The following CNOT1 variants were observed in gnomAD, a reference collection of about 807,000 sequenced individuals.
CNOT1 encodes CCR4-associated factor 1.
Under a neutral mutation model 273.8 loss-of-function variants are expected in CNOT1, and 15 were observed. The ratio of observed to expected loss-of-function variants is 0.05; its 90% CI spans 0.04 to 0.08. The LOEUF (loss-of-function observed/expected upper bound fraction) is 0.08, where lower values mean the gene tolerates loss of function less well. Among genes scored for constraint, CNOT1 ranks in the 10% least tolerant of loss-of-function variants. The pLI is 1.00. For synonymous variants in CNOT1, 1,022 were observed against 1,005.5 expected (o/e 1.02, Z -0.31); for missense variants, 1,644 against 2,912.2 (o/e 0.56, Z 10.02).
intron 8 of CNOT1, 52 bp from the exon 9 acceptor site, chr16:58,583,234 T>A: frequency 6.3e-7 from 1 of 1,594,702 alleles, no homozygotes. Flanking sequence ...AACACCGAGA[T>A]TGAGAAATTC....
At chr16:58,555,933 G>C (rs781273782) in intron 19 of CNOT1, 25 bp from the exon 20 acceptor site, 3 of 1,607,694 alleles carry the variant, frequency 1.9e-6, no homozygotes, top group Non-Finnish European at 2.5e-6. Context: ...AAAGGAATCA[G>C]TGGGCATTTA....
At chr16:58,579,058 T>C (rs765681136) in intron 12 of CNOT1, 119 bp from the exon 13 acceptor site, 48 of 1,466,046 alleles carry the variant, frequency 3.3e-5, no homozygotes, top group Admixed American at 1.6e-4. Flanking sequence ...GTTTTAATAT[T>C]AGAAGTTTGA....
intron 18 of CNOT1, among the ~76,000 whole-genome samples, chr16:58,557,714 C>A (rs780023737): frequency 6.6e-6 from 1 of 152,136 alleles, no homozygotes; most frequent in Non-Finnish European, 1.5e-5. Context: ...TGTGGCCAAG[C>A]GCAGTGGCTC....
intron 1 of CNOT1, among the ~76,000 whole-genome samples, chr16:58,624,247 G>A (rs925724534): frequency 1.3e-5 from 2 of 152,134 alleles, no homozygotes; most frequent in African/African-American, 4.8e-5. Context: ...ATACCCATGT[G>A]GTGTCCACTG....
chr16:58,608,018 C>G (rs2042750043), intron 1 of CNOT1, among the ~76,000 whole-genome samples: 2 of 151,132 alleles, frequency 1.3e-5, no homozygotes, highest in Non-Finnish European at 2.9e-5. Flanking sequence ...CTAAAAAATA[C>G]AGAAAAAATT....
intron 19 of CNOT1, 74 bp from the exon 20 acceptor site, chr16:58,555,982 G>A: frequency 6.3e-7 from 1 of 1,584,254 alleles, no homozygotes; most frequent in South Asian, 1.1e-5. Context: ...CAGCCAGCCA[G>A]AGACTATTAT....
At chr16:58,558,737 G>C in intron 17 of CNOT1, 63 bp from the exon 18 acceptor site, 1 of 1,558,658 alleles carries the variant, frequency 6.4e-7, no homozygotes, top group Non-Finnish European at 8.7e-7. Flanking sequence ...CACATGTAAA[G>C]CAATCTTTAA....
At chr16:58,594,122 T>G (rs1400643317) in intron 2 of CNOT1, among the ~76,000 whole-genome samples, 1 of 152,126 alleles carries the variant, frequency 6.6e-6, no homozygotes, top group African/African-American at 2.4e-5. Flanking sequence ...CGCAGGCCTG[T>G]AATCCCAGCT....
chr16:58,627,403 C>CA (rs754338444), intron 1 of CNOT1, among the ~76,000 whole-genome samples: 7,561 of 64,932 alleles, frequency 0.12, 774 homozygotes, highest in East Asian at 0.22. Context: ...GACTCCATCT[C>CA]AAAAAAAAAA....
chr16:58,606,991 T>G (rs1226842787), intron 1 of CNOT1, among the ~76,000 whole-genome samples: 1 of 152,162 alleles, frequency 6.6e-6, no homozygotes, highest in Non-Finnish European at 1.5e-5. Flanking sequence ...TATTACTAAT[T>G]GTCTATTGAA....
At chr16:58,562,689 G>A (rs1212209999) in intron 16 of CNOT1, among the ~76,000 whole-genome samples, 1 of 151,870 alleles carries the variant, frequency 6.6e-6, no homozygotes, top group African/African-American at 2.4e-5. Context: ...CGGGTGTGTT[G>A]GCAGGTGCCT....
At chr16:58,539,484 C>CACACACACACACAG in intron 35 of CNOT1, among the ~76,000 whole-genome samples, 1 of 151,540 alleles carries the variant, frequency 6.6e-6, no homozygotes, top group East Asian at 1.9e-4. Flanking sequence ...CACACACACA[C>CACACACACACACAG]ACACACACAG....
intron 39 of CNOT1, among the ~76,000 whole-genome samples, chr16:58,535,953 C>T (rs1328715200): frequency 1.3e-5 from 2 of 152,038 alleles, no homozygotes; most frequent in Non-Finnish European, 2.9e-5. Flanking sequence ...CCAGGATGGT[C>T]TCGATATCCT....
chr16:58,628,842 T>A (rs943967408), intron 1 of CNOT1, among the ~76,000 whole-genome samples: 1 of 152,102 alleles, frequency 6.6e-6, no homozygotes, highest in Non-Finnish European at 1.5e-5. Context: ...CCTCGGGGAG[T>A]TAGTATCTGT....
In CNOT1 at chr16:58,559,984, A is replaced by G; in HGVS notation, c.2130+228T>C. The G allele has an allele frequency of 3.2e-6, 4 of 1,243,916 alleles. No homozygotes were observed. In the South Asian group the frequency reaches 4.9e-5, roughly 15 times the overall value. 77.1% of individuals were successfully genotyped at this position (1,243,916 alleles called of 1,614,324 possible). Reference sequence around the variant, plus strand: ...TTTTAAAAAGAAACCCTCTTCATTTACCTAAATAAATTGTCTGTATATTTC... The same window carrying G: ...TTTTAAAAAGAAACCCTCTTCATTTGCCTAAATAAATTGTCTGTATATTTC... On this transcript the variant is annotated intron_variant, in intron 17 of 48. Coordinates refer to ENST00000317147, the MANE Select transcript of CNOT1 (RefSeq NM_016284.5).
chr16:58,522,237 C>CAAAAAAAAAAAAAAA (rs56149974), intron 47 of CNOT1, among the ~76,000 whole-genome samples: 2 of 98,556 alleles, frequency 2.0e-5, no homozygotes, highest in African/African-American at 8.5e-5. Context: ...GAGACTGTCT[C>CAAAAAAAAAAAAAAA]AAAAAAAAAA....
chr16:58,590,241 A>C (rs2042007813), intron 2 of CNOT1, among the ~76,000 whole-genome samples: 1 of 152,224 alleles, frequency 6.6e-6, no homozygotes, highest in African/African-American at 2.4e-5. Context: ...AGGGGTTGAC[A>C]TATTTAAAAC....
At chr16:58,618,124 G>C (rs2043160737) in intron 1 of CNOT1, among the ~76,000 whole-genome samples, 1 of 152,136 alleles carries the variant, frequency 6.6e-6, no homozygotes, top group African/African-American at 2.4e-5. Context: ...CAAGTTATTA[G>C]AAAAACAGTT....
chr16:58,621,462 G>C (rs1032801914), intron 1 of CNOT1, among the ~76,000 whole-genome samples: 45 of 151,238 alleles, frequency 3.0e-4, no homozygotes, highest in Non-Finnish European at 6.3e-4. Context: ...CAGTGGATAC[G>C]GGGTTTCTCC....
Sources: gnomAD v4.1 joint callset for allele counts (sites outside exome capture counted in the v4.1 genomes callset) on GRCh38, gnomAD v4.1.1 for gene constraint, MANE v1.5 for transcripts, NCBI Gene and HGNC (gene_info 2026-07-23, HGNC 2026-07-21) for gene names.